Variants in NEDD1 observed in about 807,000 individuals in gnomAD.
The protein encoded by NEDD1 is protein NEDD1.
In NEDD1, 33 loss-of-function variants were observed where a neutral mutation model predicts 74.0. That is an observed-to-expected ratio of 0.45 (90% CI 0.34 to 0.60). NEDD1 has a LOEUF of 0.60. Ranked by LOEUF, NEDD1 falls within the 20% of genes least tolerant of loss-of-function variation. NEDD1 has a pLI of 0.01. For synonymous variants in NEDD1, 250 were observed against 264.4 expected (o/e 0.95, Z 0.53); for missense variants, 746 against 776.5 (o/e 0.96, Z 0.47).
chr12:96,938,967 C>T (rs1877399548), intron 9 of NEDD1, among the ~76,000 whole-genome samples: 1 of 151,980 alleles, frequency 6.6e-6, no homozygotes, highest in East Asian at 1.9e-4. Context: ...TTTTCCTGTA[C>T]ACATTTAAGA....
Position 96,943,698 on chromosome 12 carries a change from A to G in NEDD1, c.1433A>G (p.Asp478Gly). 3 of 1,612,874 alleles carry G rather than the reference A, an allele frequency of 1.9e-6. No homozygotes were observed. The highest frequency in any genetic ancestry group is 2.5e-6 in the Non-Finnish European group (3 of 1,179,070). The change falls in exon 12 of 16, where the codon GAT becomes GGT. Residue 478 changes from aspartate (D) to glycine (G), a missense_variant. Asp to Gly is a moderately conservative substitution (Grantham distance 94). This residue lies in a region of NEDD1 where 706 missense variants were observed against 706.7 expected (regional missense o/e 1.00). Transcript: ENST00000266742. ...GGGAAAGAGGAAAATGAAAACCGTG[A>G]TCTAACAGCTGAGTCTAAGAAAATA... ...SPGKEENENR[D>G]LTAESKKIYM...
At chr12:96,928,498 A>C (rs953268644) in intron 6 of NEDD1, among the ~76,000 whole-genome samples, 1 of 151,810 alleles carries the variant, frequency 6.6e-6, no homozygotes, top group African/African-American at 2.4e-5. Context: ...GTGTTACCCT[A>C]TTATCTTTGG....
chr12:96,910,305 A>G (rs1332081385), intron 3 of NEDD1, among the ~76,000 whole-genome samples: 2 of 152,210 alleles, frequency 1.3e-5, no homozygotes, highest in Admixed American at 1.3e-4. Context: ...TGAAAATTAA[A>G]GACAGAACTT....
chr12:96,919,802 C>T (rs1327857688), intron 5 of NEDD1, among the ~76,000 whole-genome samples, 183 bp from the exon 6 acceptor site: 2 of 152,210 alleles, frequency 1.3e-5, no homozygotes, highest in South Asian at 4.1e-4. Context: ...CATAATCTCT[C>T]TCTCTCGTAA....
intron 8 of NEDD1, 112 bp downstream of exon 8, chr12:96,936,924 T>C (rs1315988579): frequency 1.6e-6 from 1 of 643,210 alleles, no homozygotes; most frequent in East Asian, 2.8e-5. Flanking sequence ...AATTACATAA[T>C]GATTTTACAT....
intron 5 of NEDD1, 75 bp from the exon 6 acceptor site, chr12:96,919,910 G>C: frequency 1.1e-6 from 1 of 894,740 alleles, no homozygotes; most frequent in Non-Finnish European, 1.7e-6. Flanking sequence ...ATAATGTATG[G>C]TATTTACAGA....
At position 96,936,709 on chromosome 12, in the gene NEDD1, A is replaced by G. The variant is rs145495750; in HGVS notation, c.818A>G (p.Tyr273Cys). ...ATTGGATCTTCCCGGGGGAAAATAT[A>G]TCAATATGATTTAAGAATGTTGAAA... is the stretch of plus-strand genomic sequence containing the variant. ...LAIGSSRGKI[Y>C]QYDLRMLKSP... Residue 273 changes from tyrosine to cysteine, a missense_variant, in exon 8 of 16, where the codon TAT becomes TGT. Physicochemically the swap from Tyr to Cys is radical, Grantham distance 194. Coordinates refer to ENST00000266742, the MANE Select transcript of NEDD1 (RefSeq NM_152905.4). 17 of 1,612,902 alleles carry G rather than the reference A, an allele frequency of 1.1e-5. No homozygotes were observed. Among genetic ancestry groups the G allele is most frequent in the Non-Finnish European group, 1.4e-5 (17 of 1,179,040 alleles).
At chr12:96,925,562 A>G (rs866149373) in intron 6 of NEDD1, among the ~76,000 whole-genome samples, 1 of 152,200 alleles carries the variant, frequency 6.6e-6, no homozygotes, top group African/African-American at 2.4e-5. Context: ...AGCTGAATAT[A>G]TAAGGGTTTG....
chr12:96,909,625 G>C, intron 2 of NEDD1, 127 bp from the exon 3 acceptor site: 1 of 698,838 alleles, frequency 1.4e-6, no homozygotes, highest in Non-Finnish European at 2.4e-6. Context: ...AACTGCTTTG[G>C]TGACTGCACT....
intron 5 of NEDD1, among the ~76,000 whole-genome samples, chr12:96,919,729 T>C (rs1306355757): frequency 6.6e-6 from 1 of 152,212 alleles, no homozygotes; most frequent in Non-Finnish European, 1.5e-5. Flanking sequence ...GCAATACCTG[T>C]TATTTGTCAG....
At chr12:96,939,418 C>T (rs1045392531) in intron 9 of NEDD1, among the ~76,000 whole-genome samples, 3 of 151,984 alleles carry the variant, frequency 2.0e-5, no homozygotes, top group Admixed American at 1.3e-4. Flanking sequence ...AACAATAGTA[C>T]AAATGATTTG....
intron 6 of NEDD1, among the ~76,000 whole-genome samples, chr12:96,933,810 T>C (rs1033106289): frequency 1.3e-5 from 2 of 152,322 alleles, no homozygotes; most frequent in Admixed American, 6.5e-5. Context: ...AAGTACTTAA[T>C]TTTCCGCCTA....
At chr12:96,930,687 G>C (rs1268312759) in intron 6 of NEDD1, among the ~76,000 whole-genome samples, 1 of 152,154 alleles carries the variant, frequency 6.6e-6, no homozygotes, top group African/African-American at 2.4e-5. Flanking sequence ...CAGAGTGAGT[G>C]AGCCACTCTT....
intron 6 of NEDD1, among the ~76,000 whole-genome samples, chr12:96,931,495 A>G (rs1876463498): frequency 6.6e-6 from 1 of 152,182 alleles, no homozygotes; most frequent in Non-Finnish European, 1.5e-5. Context: ...TAGAATAATG[A>G]GCAGTTTGCA....
intron 5 of NEDD1, among the ~76,000 whole-genome samples, chr12:96,919,056 T>C (rs573109367): frequency 6.6e-6 from 1 of 152,330 alleles, no homozygotes; most frequent in African/African-American, 2.4e-5. Context: ...TTAGTTTGTT[T>C]GTATTATTGA....
rs1878828997 is a variant in NEDD1 at position 96,952,831 on chromosome 12, G to A, written c.*778G>A. The stretch of plus-strand genomic sequence containing the variant: ...TTCAATCAACATGACAACTTATAAT[G>A]AGTGGAGATTTCATATTAGGTACTA... On this transcript the variant is annotated 3_prime_UTR_variant, in exon 16 of 16. Transcript: ENST00000266742. 1 of 151,664 alleles carries A rather than the reference G, an allele frequency of 6.6e-6. No individual in the cohort carries two copies. 9.4% of individuals were successfully genotyped at this position (151,664 alleles called of 1,614,324 possible).
Position 96,944,766 on chromosome 12 carries a change from A to T in NEDD1, c.1625A>T (p.Glu542Val). 1 of 1,579,050 alleles carries T rather than the reference A, an allele frequency of 6.3e-7. No homozygotes were observed. The highest frequency in any genetic ancestry group is 8.6e-7 in the Non-Finnish European group (1 of 1,166,090). The change falls in exon 13 of 16, where the codon GAA becomes GTA. Residue 542 changes from glutamate (E) to valine (V), a missense_variant. Physicochemically the swap from Glu to Val is moderately radical, Grantham distance 121. Around this residue, in one of 3 missense-constraint regions of NEDD1, gnomAD observed 706 missense variants for 706.7 expected, o/e 1.00. Transcript: ENST00000266742. The part of the protein sequence containing the change: ...ENEIEAQLIC[E>V]PPINGSSTPN... The stretch of plus-strand genomic sequence containing the variant: ...GAAATTGAAGCCCAGTTGATATGTG[A>T]ACCCCCAATCAATGGATCCTCAACT...
intron 5 of NEDD1, 147 bp downstream of exon 5, chr12:96,917,884 A>G: frequency 1.0e-6 from 1 of 974,400 alleles, no homozygotes; most frequent in Non-Finnish European, 1.4e-6. Context: ...TAAAGGTGCT[A>G]TTTAGCCAAA....
intron 9 of NEDD1, among the ~76,000 whole-genome samples, chr12:96,938,887 C>G (rs773298018): frequency 7.9e-5 from 12 of 152,014 alleles, no homozygotes; most frequent in Non-Finnish European, 1.8e-4. Context: ...ATAGTAGACT[C>G]AGTCTCAGAT....
Sources: gnomAD v4.1 joint callset for allele counts (sites outside exome capture counted in the v4.1 genomes callset) on GRCh38, gnomAD v4.1.1 for gene constraint, gnomAD v4.1.1 regional missense constraint, MANE v1.5 for transcripts, NCBI Gene and HGNC (gene_info 2026-07-23, HGNC 2026-07-21) for gene names.